Variants in ABCA4 observed in about 807,000 individuals in gnomAD.
ABCA4 encodes retinal-specific phospholipid-transporting ATPase ABCA4.
Under a neutral mutation model 263.7 loss-of-function variants are expected in ABCA4, and 196 were observed. That is an observed-to-expected ratio of 0.74 (90% confidence interval 0.66 to 0.84). The LOEUF is 0.84. Among genes scored for constraint, ABCA4 ranks in the 40% least tolerant of loss-of-function variants. The pLI is 0.00. For synonymous variants in ABCA4, 1,133 were observed against 1,094.2 expected, an observed-to-expected ratio of 1.04 and a Z score of -0.70; for missense variants, 2,792 against 2,855.1, an observed-to-expected ratio of 0.98 and a Z score of 0.50.
intron 36 of ABCA4, 57 bp downstream of exon 36, chr1:94,019,525 C>A: frequency 6.5e-7 from 1 of 1,536,208 alleles, no homozygotes; most frequent in East Asian, 2.4e-5. Context: ...TCAGAGCACA[C>A]ACAAGCTCCA....
Position 94,056,627 on chromosome 1 carries a change from T to C in ABCA4, c.2356A>G (p.Met786Val), listed in dbSNP as rs1660983811. Residue 786 changes from methionine (M) to valine (V), a missense_variant, in exon 15 of 50, where the codon ATG becomes GTG. Coordinates refer to ENST00000370225, the MANE Select transcript of ABCA4 (RefSeq NM_000350.3). ...ACAGCCTTCTTCAGCTCAGCGGTCATGCGGTCCTGCCAGGCGAAGCACAGG... is the reference window on the plus strand; with the variant it reads ...ACAGCCTTCTTCAGCTCAGCGGTCACGCGGTCCTGCCAGGCGAAGCACAGG... ...HILCFAWQDRMTAELKKAVSL... is the reference protein window; with the variant it reads ...HILCFAWQDRVTAELKKAVSL... The C allele has an allele frequency of 1.2e-6, 2 of 1,613,478 alleles. No individual in the cohort carries two copies. The highest frequency in any genetic ancestry group is 4.5e-5 in the East Asian group (2 of 44,874).
intron 22 of ABCA4, among the ~76,000 whole-genome samples, chr1:94,042,139 T>C (rs1253298912): frequency 8.5e-6 from 1 of 117,622 alleles, no homozygotes. Flanking sequence ...AGAAAGAAAA[T>C]AGCAATGAGG....
rs1296959789 is a variant in ABCA4, at chr1:94,079,460, T to C, written c.1101A>G (p.Thr367=). Residue 367 remains threonine (T), a splice_region_variant and synonymous_variant, in exon 9 of 50, where the codon ACA becomes ACG. Transcript: ENST00000370225. ...DPIYSYDRRT[T]SFCNALIQSL... Reference sequence around the variant, plus strand: ...TCTGGATCAATGCATTACAAAAGGATGCTGCCAGGAGACAAGGGACAGATT... The same window carrying C: ...TCTGGATCAATGCATTACAAAAGGACGCTGCCAGGAGACAAGGGACAGATT... 11 of 1,614,220 alleles carry C rather than the reference T, an allele frequency of 6.8e-6. No homozygotes were observed. The highest frequency in any genetic ancestry group is 8.5e-6 in the Non-Finnish European group (10 of 1,180,032).
intron 11 of ABCA4, among the ~76,000 whole-genome samples, chr1:94,064,571 C>A (rs1175198902): frequency 2.6e-5 from 4 of 152,148 alleles, no homozygotes; most frequent in Admixed American, 6.5e-5. Flanking sequence ...AGAACCACTG[C>A]GGAGCTTTAA....
Position 94,111,485 on chromosome 1 carries a change from G to A in ABCA4, c.255C>T (p.Pro85=). 1.2e-6 allele frequency: 2 copies of A among 1,614,182 alleles called. No individual in the cohort carries two copies. The highest frequency in any genetic ancestry group is 1.1e-5 in the South Asian group (1 of 91,076). The change falls in exon 3 of 50, where the codon CCC becomes CCT. Residue 85 remains proline (P), a synonymous_variant. Transcript: ENST00000370225. ...CAATTCCAGGAGATTCTCCTGGGGT[G>A]GGGCTTTGAAAACAGGGATTGTTCA... The part of the protein sequence containing the change: ...CNVNNPCFQS[P]TPGESPGIVS...
intron 17 of ABCA4, among the ~76,000 whole-genome samples, chr1:94,050,154 G>A (rs1282301197): frequency 6.6e-6 from 1 of 152,226 alleles, no homozygotes; most frequent in Non-Finnish European, 1.5e-5. Flanking sequence ...CTCTAGTACT[G>A]TTCTTCTATT....
At chr1:94,035,620 T>C (rs1032638567) in intron 26 of ABCA4, among the ~76,000 whole-genome samples, 6 of 152,182 alleles carry the variant, frequency 3.9e-5, no homozygotes, top group Non-Finnish European at 7.3e-5. Context: ...CACTGAAATA[T>C]GCCACACTGG....
intron 11 of ABCA4, among the ~76,000 whole-genome samples, chr1:94,064,492 G>A (rs1464195100): frequency 1.3e-5 from 2 of 152,164 alleles, no homozygotes; most frequent in Non-Finnish European, 2.9e-5. Context: ...TCAGGCACAG[G>A]GAACAGCACA....
chr1:94,059,645 T>C (rs557848777), intron 14 of ABCA4: 1 of 151,226 alleles, frequency 6.6e-6, no homozygotes, highest in South Asian at 2.1e-4. Flanking sequence ...CTGCCTAGTG[T>C]GGTACAGCAC....
intron 17 of ABCA4, among the ~76,000 whole-genome samples, chr1:94,050,353 G>A (rs1660801951): frequency 6.6e-6 from 1 of 152,218 alleles, no homozygotes; most frequent in African/African-American, 2.4e-5. Context: ...GTGACCAATA[G>A]GGGAAGATAC....
intron 44 of ABCA4, among the ~76,000 whole-genome samples, chr1:94,002,795 C>G (rs1024007236): frequency 1.3e-5 from 2 of 152,188 alleles, no homozygotes; most frequent in Non-Finnish European, 2.9e-5. Flanking sequence ...AGCAGTTCCT[C>G]CCTGCGTTAC....
At chr1:94,103,720 G>A (rs754132879) in intron 4 of ABCA4, among the ~76,000 whole-genome samples, 3 of 152,210 alleles carry the variant, frequency 2.0e-5, no homozygotes, top group Non-Finnish European at 4.4e-5. Flanking sequence ...CCCTCTGGGT[G>A]TTTCTATCAT....
At chr1:94,058,815 G>T (rs1363977336) in intron 14 of ABCA4, among the ~76,000 whole-genome samples, 1 of 152,206 alleles carries the variant, frequency 6.6e-6, no homozygotes, top group Non-Finnish European at 1.5e-5. Context: ...TCCTCAGATG[G>T]CCACTTTTCT....
At chr1:94,040,148 G>C in intron 23 of ABCA4, 21 bp from the exon 24 acceptor site, 1 of 1,576,978 alleles carries the variant, frequency 6.3e-7, no homozygotes, top group Non-Finnish European at 8.7e-7. Flanking sequence ...TGGATGGGAT[G>C]ACTGACAAGA....
intron 11 of ABCA4, among the ~76,000 whole-genome samples, chr1:94,071,276 A>C (rs1661391286): frequency 6.6e-6 from 1 of 152,266 alleles, no homozygotes; most frequent in South Asian, 2.1e-4. Context: ...ATGCAAATGC[A>C]TGAATGACTG....
intron 39 of ABCA4, 73 bp from the exon 40 acceptor site, chr1:94,011,002 C>A: frequency 6.2e-7 from 1 of 1,611,684 alleles, no homozygotes; most frequent in African/African-American, 1.3e-5. Flanking sequence ...CAGCACAGGG[C>A]CCACTAGACC....
chr1:94,076,008 G>A (rs1661529049), intron 11 of ABCA4, among the ~76,000 whole-genome samples: 1 of 152,214 alleles, frequency 6.6e-6, no homozygotes, highest in Admixed American at 6.5e-5. Flanking sequence ...AGAGCTGAGT[G>A]CTGAGTCTCA....
At position 94,060,553 on chromosome 1, in the gene ABCA4, A is replaced by C; in HGVS notation, c.2144T>G (p.Leu715Arg). 1 of 1,614,050 alleles carries C rather than the reference A, an allele frequency of 6.2e-7. No homozygotes were observed. Among genetic ancestry groups the C allele is most frequent in the Non-Finnish European group, 8.5e-7 (1 of 1,180,012 alleles). The stretch of plus-strand genomic sequence containing the variant: ...TTGGCTTACCATGATGAATATCGTC[A>C]GGAGGAAGATGCTCATCGACATGAT... ...FSIMSMSIFL[L>R]TIFIMHGRIL... The change falls in exon 14 of 50, where the codon CTG (leucine) becomes CGG (arginine). Residue 715 changes from leucine to arginine, a missense_variant. Transcript: ENST00000370225.
chr1:94,033,493 C>T (rs1317351553), intron 26 of ABCA4, among the ~76,000 whole-genome samples: 1 of 150,324 alleles, frequency 6.7e-6, no homozygotes, highest in African/African-American at 2.4e-5. Flanking sequence ...TGAGATAACA[C>T]ATGGGAGCAT....
Sources: allele counts gnomAD v4.1 joint callset (sites outside exome capture counted in the v4.1 genomes callset), GRCh38; gene constraint gnomAD v4.1.1; transcripts MANE v1.5; gene names NCBI Gene and HGNC (gene_info 2026-07-23, HGNC 2026-07-21).